PALLD: variants seen among roughly 807,000 people sequenced by gnomAD.
PALLD encodes palladin.
A neutral mutation model predicts 123.5 loss-of-function variants in PALLD; 61 were observed. The ratio of observed to expected loss-of-function variants is 0.49; its 90% CI spans 0.40 to 0.61. The LOEUF (loss-of-function observed/expected upper bound fraction) is 0.61, where lower values mean the gene tolerates loss of function less well. Ranked by LOEUF, PALLD falls within the 20% of genes least tolerant of loss-of-function variation. The probability of loss-of-function intolerance (pLI) is 0.00; values close to 1 mark genes in which losing one functional copy is unlikely to be tolerated. For missense variants in PALLD, 1,273 were observed against 1,377.0 expected (o/e 0.92, Z 1.20); for synonymous variants, 465 against 496.4 (o/e 0.94, Z 0.84).
intron 10 of PALLD, among the ~76,000 whole-genome samples, chr4:168,878,885 TTTA>T (rs757784477): frequency 2.0e-5 from 3 of 152,176 alleles, no homozygotes; most frequent in Non-Finnish European, 2.9e-5. Flanking sequence ...AACTATGTGT[TTTA>T]TTATAATATT....
At chr4:168,881,460 T>C (rs189062927) in intron 10 of PALLD, among the ~76,000 whole-genome samples, 5 of 149,946 alleles carry the variant, frequency 3.3e-5, no homozygotes, top group African/African-American at 1.2e-4. Context: ...TTTGAGGAAC[T>C]GTATGTATAG....
intron 2 of PALLD, among the ~76,000 whole-genome samples, chr4:168,602,483 C>A (rs894769775): frequency 5.5e-4 from 84 of 152,120 alleles, no homozygotes; most frequent in African/African-American, 1.9e-3. Flanking sequence ...GAACTCTGAG[C>A]AAAGTTCCAT....
intron 2 of PALLD, among the ~76,000 whole-genome samples, chr4:168,655,171 A>G (rs1434350198): frequency 6.6e-6 from 1 of 152,216 alleles, no homozygotes; most frequent in Non-Finnish European, 1.5e-5. Context: ...TACTTCATTT[A>G]TCATAGCTCT....
At chr4:168,547,542 T>C (rs1471429075) in intron 2 of PALLD, among the ~76,000 whole-genome samples, 1 of 119,874 alleles carries the variant, frequency 8.3e-6, no homozygotes, top group Admixed American at 1.1e-4. Context: ...GCCAACCTGG[T>C]GAAACATTAT....
At chr4:168,601,816 G>A (rs1287615576) in intron 2 of PALLD, among the ~76,000 whole-genome samples, 3 of 152,050 alleles carry the variant, frequency 2.0e-5, no homozygotes, top group Admixed American at 1.3e-4. Flanking sequence ...GTAGCTCTTC[G>A]AGATCCAAAA....
At chr4:168,812,722 G>A (rs1741342675) in intron 10 of PALLD, among the ~76,000 whole-genome samples, 1 of 152,186 alleles carries the variant, frequency 6.6e-6, no homozygotes, top group African/African-American at 2.4e-5. Flanking sequence ...GATAAGTATT[G>A]AGATTCAGAG....
intron 2 of PALLD, among the ~76,000 whole-genome samples, chr4:168,520,134 G>T (rs2149450316): frequency 6.6e-6 from 1 of 151,986 alleles, no homozygotes; most frequent in East Asian, 1.9e-4. Flanking sequence ...AGACCATCCT[G>T]ACTAACTTGG....
At chr4:168,782,621 AT>A (rs1335623839) in intron 10 of PALLD, among the ~76,000 whole-genome samples, 2 of 152,132 alleles carry the variant, frequency 1.3e-5, no homozygotes, top group East Asian at 3.8e-4. Flanking sequence ...ATAAAACTTT[AT>A]TTACAGGCCG....
chr4:168,925,290 G>C lies in PALLD; in HGVS notation c.*32+12G>C. On this transcript the variant is annotated intron_variant, in intron 21 of 21. Coordinates refer to ENST00000505667, the MANE Select transcript of PALLD (RefSeq NM_001166108.2). ...GAACAAATACCCAAGTATCATTCAG[G>C]AACTTTGAATTATTAGCAAAATATG... 1 of 1,591,416 alleles carries C rather than the reference G, an allele frequency of 6.3e-7. No homozygotes were observed. The highest frequency in any genetic ancestry group is 1.7e-5 in the Admixed American group (1 of 59,972).
rs1342782562 is a variant in PALLD, at chr4:168,928,288, T to C, written c.*2108T>C. 1.7e-5 allele frequency: 3 copies of C among 181,538 alleles called. No homozygotes were observed. The East Asian group carries it at 2.7e-4, about 16-fold the overall frequency. 11.2% of individuals were successfully genotyped at this position (181,538 alleles called of 1,614,324 possible). A position where few individuals can be genotyped will look rare whatever the true frequency, so the allele number is the denominator to read the frequency against. On this transcript the variant is annotated 3_prime_UTR_variant, in exon 22 of 22. Coordinates refer to ENST00000505667, the MANE Select transcript of PALLD (RefSeq NM_001166108.2). ...TTTTGCTGATTTGCTGGGTTTGGGA[T>C]TAACTAGCATTATTTTGCCACCTTT...
At chr4:168,884,830 T>C (rs1409995299) in intron 10 of PALLD, among the ~76,000 whole-genome samples, 1 of 152,212 alleles carries the variant, frequency 6.6e-6, no homozygotes, top group East Asian at 1.9e-4. Flanking sequence ...ACTTCCATGC[T>C]GAATATTTTC....
intron 2 of PALLD, among the ~76,000 whole-genome samples, chr4:168,519,200 G>A (rs1763286893): frequency 6.6e-6 from 1 of 152,228 alleles, no homozygotes; most frequent in African/African-American, 2.4e-5. Context: ...CCTTTGAGAT[G>A]AAGCACGTGA....
chr4:168,822,408 T>C (rs1000408499), intron 10 of PALLD, among the ~76,000 whole-genome samples: 1 of 152,096 alleles, frequency 6.6e-6, no homozygotes, highest in Non-Finnish European at 1.5e-5. Context: ...GGTCAAATGA[T>C]ACTGATCAAT....
chr4:168,769,762 A>G (rs1304497844), intron 10 of PALLD, among the ~76,000 whole-genome samples: 3 of 152,190 alleles, frequency 2.0e-5, no homozygotes, highest in Admixed American at 1.3e-4. Context: ...GAACACTCAT[A>G]ATGTTGAAAG....
intron 10 of PALLD, among the ~76,000 whole-genome samples, chr4:168,845,823 G>A (rs868009352): frequency 2.6e-5 from 4 of 152,230 alleles, no homozygotes; most frequent in Non-Finnish European, 4.4e-5. Context: ...GTTTTAAATA[G>A]TAATGTAATG....
At chr4:168,697,786 C>A (rs1783278333) in intron 8 of PALLD, among the ~76,000 whole-genome samples, 1 of 152,128 alleles carries the variant, frequency 6.6e-6, no homozygotes, top group Admixed American at 6.5e-5. Context: ...ATAAGTAACT[C>A]CCAAATGCTT....
At chr4:168,581,784 T>G (rs562720606) in intron 2 of PALLD, among the ~76,000 whole-genome samples, 10 of 151,462 alleles carry the variant, frequency 6.6e-5, no homozygotes, top group Non-Finnish European at 1.3e-4. Flanking sequence ...CATTTAACTA[T>G]TTTTACTTTT....
At chr4:168,620,573 A>G (rs1310747668) in intron 2 of PALLD, among the ~76,000 whole-genome samples, 1 of 152,220 alleles carries the variant, frequency 6.6e-6, no homozygotes. Flanking sequence ...GTATAATATT[A>G]TGCCACAGTC....
chr4:168,750,617 C>A (rs1342378732), intron 10 of PALLD, among the ~76,000 whole-genome samples: 4 of 152,120 alleles, frequency 2.6e-5, no homozygotes, highest in Non-Finnish European at 5.9e-5. Flanking sequence ...AAGTCACTGA[C>A]TACAGTCTTA....
Sources: allele counts gnomAD v4.1 joint callset (sites outside exome capture counted in the v4.1 genomes callset), GRCh38; gene constraint gnomAD v4.1.1; transcripts MANE v1.5; gene names NCBI Gene and HGNC (gene_info 2026-07-23, HGNC 2026-07-21).